Variants in ATAD5 observed in about 807,000 individuals in gnomAD.
ATAD5 encodes the protein ATPase family AAA domain containing 5.
A neutral mutation model predicts 176.9 loss-of-function variants in ATAD5; 58 were observed. That is an observed-to-expected ratio of 0.33 (90% confidence interval 0.27 to 0.41). The LOEUF (loss-of-function observed/expected upper bound fraction) is 0.41. Among genes scored for constraint, ATAD5 ranks in the 10% least tolerant of loss-of-function variants. The pLI is 1.00. For synonymous variants in ATAD5, 640 were observed against 712.6 expected (o/e 0.90, Z 1.62); for missense variants, 1,789 against 2,094.1 (o/e 0.85, Z 2.84).
At chr17:30,871,369 C>T (rs767911981) in intron 14 of ATAD5, among the ~76,000 whole-genome samples, 5 of 151,128 alleles carry the variant, frequency 3.3e-5, no homozygotes, top group African/African-American at 7.3e-5. Flanking sequence ...TTTTTTGAAA[C>T]GGAGTCTCGC....
chr17:30,868,806 GC>G (rs1229919894), intron 12 of ATAD5, among the ~76,000 whole-genome samples: 1 of 150,514 alleles, frequency 6.6e-6, no homozygotes, highest in African/African-American at 2.4e-5. Flanking sequence ...ACTGCACCTG[GC>G]CTATAAAATT....
intron 16 of ATAD5, 79 bp downstream of exon 16, chr17:30,877,628 A>T: frequency 7.0e-7 from 1 of 1,433,708 alleles, no homozygotes; most frequent in Non-Finnish European, 9.5e-7. Context: ...TTTCTTATAA[A>T]GAATTGTAAA....
At chr17:30,868,849 C>CTTTT (rs568729653) in intron 12 of ATAD5, among the ~76,000 whole-genome samples, 1 of 131,682 alleles carries the variant, frequency 7.6e-6, no homozygotes, top group Non-Finnish European at 1.6e-5. Context: ...TGATTTTCTA[C>CTTTT]TTTTTTTTTT....
rs1251425050 is a variant in ATAD5, at chr17:30,846,483, A to G, written c.2450+1567A>G. Among the ~76,000 whole-genome samples, 4 of 150,656 alleles carry G rather than the reference A, an allele frequency of 2.7e-5. No homozygotes were observed. The East Asian group carries it at 7.8e-4, about 29-fold the overall frequency. On this transcript the variant is annotated intron_variant, in intron 6 of 22. Coordinates refer to ENST00000321990, the MANE Select transcript of ATAD5 (RefSeq NM_024857.5). ...AGTGGCGTGATCTCGGCTCACTGCA[A>G]CCTCTGCCTCCCGGGTTCAAGCGAT...
At chr17:30,837,339 A>T in intron 3 of ATAD5, 25 bp downstream of exon 3, 8 of 1,400,668 alleles carry the variant, frequency 5.7e-6, no homozygotes, top group Non-Finnish European at 7.8e-6. Flanking sequence ...AGAGAGTCCT[A>T]TAAGTGCCAT....
Position 30,869,470 on chromosome 17 carries a change from C to T in ATAD5, c.3457-26C>T, listed in dbSNP as rs758354373. 25 of 1,608,988 alleles carry T rather than the reference C, an allele frequency of 1.6e-5. No individual in the cohort carries two copies. The East Asian group carries it at 2.9e-4, about 19-fold the overall frequency. ...AAGGAAACATAAACCATTCTCCCTT[C>T]GTTTTTTCTTATATTCTTCTTTTAG... On this transcript the variant is annotated intron_variant, in intron 13 of 22. Coordinates refer to ENST00000321990, the MANE Select transcript of ATAD5 (RefSeq NM_024857.5).
At chr17:30,860,810 G>A (rs746515081) in intron 10 of ATAD5, among the ~76,000 whole-genome samples, 198 bp downstream of exon 10, 22 of 151,878 alleles carry the variant, frequency 1.4e-4, no homozygotes, top group Non-Finnish European at 2.9e-4. Context: ...CACGATCTTC[G>A]CTCACTGCAA....
chr17:30,835,521 G>A lies in ATAD5; in HGVS notation c.1440G>A (p.Lys480=), dbSNP rs1209032501. Residue 480 remains lysine (K), a synonymous_variant, in exon 2 of 23, where the codon AAG becomes AAA. Coordinates refer to ENST00000321990, the MANE Select transcript of ATAD5 (RefSeq NM_024857.5). ...FLKEKNKKLK[K]KNKKTLDTGA... ...AGGAGAAAAATAAAAAGCTAAAGAA[G>A]AAGAATAAGAAAACATTAGATACTG... is the stretch of plus-strand genomic sequence containing the variant. The A allele has an allele frequency of 1.2e-6, 2 of 1,606,356 alleles. No homozygotes were observed. Among genetic ancestry groups the A allele is most frequent in the South Asian group, 2.3e-5 (2 of 88,074 alleles).
At chr17:30,887,979 C>G (rs1191017157) in intron 19 of ATAD5, among the ~76,000 whole-genome samples, 1 of 151,784 alleles carries the variant, frequency 6.6e-6, no homozygotes, top group Non-Finnish European at 1.5e-5. Context: ...TTACAGGCCC[C>G]CACCATCACG....
At chr17:30,845,020 C>T (rs1276852362) in intron 6 of ATAD5, 104 bp downstream of exon 6, 5 of 1,036,004 alleles carry the variant, frequency 4.8e-6, no homozygotes, top group East Asian at 5.9e-5. Flanking sequence ...ATTTGAAGCT[C>T]TAGTAAGTCC....
chr17:30,856,285 T>C (rs969739376), intron 7 of ATAD5, among the ~76,000 whole-genome samples: 3 of 152,320 alleles, frequency 2.0e-5, no homozygotes, highest in African/African-American at 7.2e-5. Flanking sequence ...TTGAGTATTA[T>C]AATTATCACC....
Position 30,840,839 on chromosome 17 carries a change from G to A in ATAD5, c.2241+58G>A, listed in dbSNP as rs572976548. 59 of 1,488,314 alleles carry A rather than the reference G, an allele frequency of 4.0e-5. No homozygotes were observed. The South Asian group carries it at 4.2e-4, about 11-fold the overall frequency. The allele number at this position is 1,488,314 out of a possible 1,614,324, so 92.2% of individuals were successfully genotyped here. A position where few individuals can be genotyped will look rare whatever the true frequency, so the allele number is the denominator to read the frequency against. On this transcript the variant is annotated intron_variant, in intron 4 of 22. Coordinates refer to ENST00000321990, the MANE Select transcript of ATAD5 (RefSeq NM_024857.5). ...CTCTCCTATTTTGCTGTTTGGAGTG[G>A]GAGAAGGAAACCATTATAAAGTTAT...
intron 18 of ATAD5, among the ~76,000 whole-genome samples, chr17:30,885,649 G>GTTTTT (rs1567699161): frequency 2.4e-5 from 3 of 126,962 alleles, no homozygotes; most frequent in Non-Finnish European, 3.2e-5. Flanking sequence ...TTTTTTTTTG[G>GTTTTT]TTGAGATGGA....
At position 30,835,712 on chromosome 17, in the gene ATAD5, T is replaced by G; in HGVS notation, c.1631T>G (p.Ile544Arg). Residue 544 changes from isoleucine to arginine, a missense_variant, in exon 2 of 23, where the codon ATA becomes AGA. Around this residue, in one of 6 missense-constraint regions of ATAD5, gnomAD observed 696 missense variants for 712.5 expected, o/e 0.98. Transcript: ENST00000321990. ...AATGAAAGTCTTGTTTATGAAGATA[T>G]AGCAAATGATGACCTTCTAAAGGTT... The part of the protein sequence containing the change: ...FNNESLVYED[I>R]ANDDLLKVSS... 6.2e-7 allele frequency: 1 copy of G among 1,610,046 alleles called. No homozygotes were observed.
At chr17:30,836,857 C>G (rs1031092019) in intron 2 of ATAD5, among the ~76,000 whole-genome samples, 1 of 152,170 alleles carries the variant, frequency 6.6e-6, no homozygotes, top group Non-Finnish European at 1.5e-5. Context: ...TGTGAGCCAC[C>G]ACACCCGGCA....
At chr17:30,865,236 G>A (rs544342099) in intron 10 of ATAD5, among the ~76,000 whole-genome samples, 17 of 150,220 alleles carry the variant, frequency 1.1e-4, no homozygotes, top group African/African-American at 3.7e-4. Flanking sequence ...GCAGTGGCGC[G>A]ATCTCCGCTC....
Position 30,857,057 on chromosome 17 carries a change from T to G in ATAD5, c.2738T>G (p.Leu913Arg), listed in dbSNP as rs1425039786. The G allele has an allele frequency of 1.2e-6, 2 of 1,610,982 alleles. No individual in the cohort carries two copies. The highest frequency in any genetic ancestry group is 1.7e-6 in the Non-Finnish European group (2 of 1,179,432). Residue 913 changes from leucine to arginine, a missense_variant, in exon 8 of 23, where the codon CTT becomes CGT. Around this residue, in one of 6 missense-constraint regions of ATAD5, gnomAD observed 487 missense variants for 573.6 expected, o/e 0.85. Coordinates refer to ENST00000321990, the MANE Select transcript of ATAD5 (RefSeq NM_024857.5). The part of the protein sequence containing the change: ...VIDLSKCGIA[L>R]GEFSTLNSKL... Reference sequence around the variant, plus strand: ...GATCTCTCAAAATGTGGTATTGCTCTTGGTGAATTTTCAACATTGAATTCA... The same window carrying G: ...GATCTCTCAAAATGTGGTATTGCTCGTGGTGAATTTTCAACATTGAATTCA...
At chr17:30,891,410 C>T (rs989558709) in intron 19 of ATAD5, among the ~76,000 whole-genome samples, 2 of 152,164 alleles carry the variant, frequency 1.3e-5, no homozygotes, top group Admixed American at 1.3e-4. Flanking sequence ...CTCACTCAGT[C>T]GCCCAGGCCA....
chr17:30,843,672 TAAAAA>T (rs1567680294), intron 4 of ATAD5, among the ~76,000 whole-genome samples: 1 of 150,332 alleles, frequency 6.7e-6, no homozygotes, highest in Non-Finnish European at 1.5e-5. Flanking sequence ...AGAATAAAAA[TAAAAA>T]AGAAAGCCCA....
Sources: gnomAD v4.1 joint callset for allele counts (sites outside exome capture counted in the v4.1 genomes callset) on GRCh38, gnomAD v4.1.1 for gene constraint, gnomAD v4.1.1 regional missense constraint, MANE v1.5 for transcripts, NCBI Gene and HGNC (gene_info 2026-07-23, HGNC 2026-07-21) for gene names.